The following GLUD1 variants were observed in gnomAD, a reference collection of about 807,000 sequenced individuals.
The protein encoded by GLUD1 is glutamate dehydrogenase 1, mitochondrial.
A neutral mutation model predicts 56.0 loss-of-function variants in GLUD1; 22 were observed. The ratio of observed to expected loss-of-function variants is 0.39; its 90% confidence interval spans 0.28 to 0.56. The LOEUF (loss-of-function observed/expected upper bound fraction) is 0.56, where lower values mean the gene tolerates loss of function less well. Among genes scored for constraint, GLUD1 ranks in the 20% least tolerant of loss-of-function variants. The pLI is 0.58. For missense variants in GLUD1, 451 were observed against 732.0 expected, an observed-to-expected ratio of 0.62 and a Z score of 4.43; for synonymous variants, 223 against 269.9, an observed-to-expected ratio of 0.83 and a Z score of 1.70.
At chr10:87,090,237 A>C (rs186444839) in intron 1 of GLUD1, among the ~76,000 whole-genome samples, 86 of 152,378 alleles carry the variant, frequency 5.6e-4, no homozygotes, top group African/African-American at 2.0e-3. Flanking sequence ...AATTATTAAC[A>C]GCGGTAAACC....
intron 1 of GLUD1, among the ~76,000 whole-genome samples, chr10:87,083,503 A>T (rs1439050429): frequency 6.6e-6 from 1 of 152,210 alleles, no homozygotes; most frequent in Non-Finnish European, 1.5e-5. Flanking sequence ...ATGAAGCAAG[A>T]AGGATCTTAT....
rs1309835654 is a variant in GLUD1 at position 87,050,260 on chromosome 10, AG to A, written c.*1490del. ...ATTCGAGAATAAAGACTATGCTTTC[AG>A]GGATCATTTCTATAGTTCGTTACTC... On this transcript the variant is annotated 3_prime_UTR_variant, in exon 13 of 13. Transcript: ENST00000277865. Among the ~76,000 whole-genome samples the A allele has an allele frequency of 3.9e-5, 6 of 151,974 alleles. No homozygotes were observed. Among genetic ancestry groups the A allele is most frequent in the Non-Finnish European group, 7.4e-5 (5 of 67,998 alleles).
chr10:87,074,651 GAT>G, intron 3 of GLUD1, 37 bp from the exon 4 acceptor site: 1 of 1,215,146 alleles, frequency 8.2e-7, no homozygotes, highest in Non-Finnish European at 1.2e-6. Flanking sequence ...AGAAAAAATT[GAT>G]ATAAAAATCG....
In GLUD1 at chr10:87,061,003, C is replaced by G; in HGVS notation, c.971G>C (p.Gly324Ala). 2 of 1,613,960 alleles carry G rather than the reference C, an allele frequency of 1.2e-6. 1 individual carries two copies. Among genetic ancestry groups the G allele is most frequent in the South Asian group, 2.2e-5 (2 of 91,082 alleles). ...LHSMRYLHRF[G>A]AKCIAVGESD... ...CTCACCAACAGCAATACATTTAGCACCAAAACGATGTAAATATCTCATAGA... is the reference window on the plus strand; with the variant it reads ...CTCACCAACAGCAATACATTTAGCAGCAAAACGATGTAAATATCTCATAGA... The change falls in exon 7 of 13, where the codon GGT (glycine) becomes GCT (alanine). Residue 324 changes from glycine to alanine, a missense_variant. Physicochemically the swap from Gly to Ala is moderately conservative, Grantham distance 60. Around this residue, in one of 4 missense-constraint regions of GLUD1, gnomAD observed 248 missense variants for 460.0 expected, o/e 0.54. Coordinates refer to ENST00000277865, the MANE Select transcript of GLUD1 (RefSeq NM_005271.5).
chr10:87,061,928 C>A (rs548255128), intron 6 of GLUD1, among the ~76,000 whole-genome samples: 1 of 151,936 alleles, frequency 6.6e-6, no homozygotes, highest in African/African-American at 2.4e-5. Flanking sequence ...GGACTACAGG[C>A]GTGTACCACC....
intron 1 of GLUD1, among the ~76,000 whole-genome samples, chr10:87,079,934 C>T (rs1249381307): frequency 6.2e-4 from 80 of 128,934 alleles, no homozygotes; most frequent in Middle Eastern, 3.8e-3. Context: ...CTCCCCCTCT[C>T]CCTCTCCCTC....
chr10:87,094,214 G>A lies in GLUD1; in HGVS notation c.445+111C>T. ...GGTGACCCGGGCGGGGACCCGGCCCGCTCCAGCTGGGCTGGGCTGGGCTGA... is the reference window on the plus strand; with the variant it reads ...GGTGACCCGGGCGGGGACCCGGCCCACTCCAGCTGGGCTGGGCTGGGCTGA... On this transcript the variant is annotated intron_variant, in intron 1 of 12. Transcript: ENST00000277865. The surrounding 1 kb of genome is among the most constrained non-coding windows in gnomAD (Gnocchi z 6.6). 2 of 1,412,060 alleles carry A rather than the reference G, an allele frequency of 1.4e-6. No individual in the cohort carries two copies. Among genetic ancestry groups the A allele is most frequent in the Non-Finnish European group, 1.9e-6 (2 of 1,058,978 alleles). 87.5% of individuals were successfully genotyped at this position (1,412,060 alleles called of 1,614,324 possible). A position where few individuals can be genotyped will look rare whatever the true frequency, so the allele number is the denominator to read the frequency against.
rs906619395 is a variant in GLUD1 at position 87,065,363 on chromosome 10, T to C, written c.742-2528A>G. Reference sequence around the variant, plus strand: ...CTCAGGTGATCCACCTGCTTCCGCCTCCCAAAGTGCTGGGATTACAGGCGT... The same window carrying C: ...CTCAGGTGATCCACCTGCTTCCGCCCCCCAAAGTGCTGGGATTACAGGCGT... On this transcript the variant is annotated intron_variant, in intron 5 of 12. Transcript: ENST00000277865. Among the ~76,000 whole-genome samples the C allele has an allele frequency of 2.7e-5, 4 of 147,836 alleles. No homozygotes were observed. In the South Asian group the frequency reaches 8.9e-4, roughly 33 times the overall value.
chr10:87,052,974 A>AAAAT (rs1175716352), intron 12 of GLUD1, among the ~76,000 whole-genome samples: 4 of 152,174 alleles, frequency 2.6e-5, no homozygotes, highest in Non-Finnish European at 5.9e-5. Context: ...AGTAGGGATC[A>AAAAT]AGCAGTCAAA....
intron 11 of GLUD1, among the ~76,000 whole-genome samples, chr10:87,056,350 C>T (rs559511399): frequency 2.7e-5 from 4 of 146,580 alleles, no homozygotes; most frequent in East Asian, 2.1e-4. Context: ...TGGAGTGCAG[C>T]GGTGCATTTC....
chr10:87,056,800 A>C (rs926000842), intron 11 of GLUD1, among the ~76,000 whole-genome samples: 2 of 152,180 alleles, frequency 1.3e-5, no homozygotes, highest in African/African-American at 4.8e-5. Flanking sequence ...TATGGAGAAC[A>C]TAAGATCCAT....
chr10:87,060,372 G>C (rs1429737019), intron 8 of GLUD1, 131 bp from the exon 9 acceptor site: 1 of 780,528 alleles, frequency 1.3e-6, no homozygotes, highest in African/African-American at 1.7e-5. Flanking sequence ...GTTAAATAGA[G>C]GTTATTTTTC....
intron 1 of GLUD1, among the ~76,000 whole-genome samples, chr10:87,077,817 T>A (rs1846441941): frequency 6.6e-6 from 1 of 151,938 alleles, no homozygotes; most frequent in African/African-American, 2.4e-5. Context: ...AGCTGCAGCA[T>A]TTTTTCTACC....
chr10:87,094,801 C>T lies in GLUD1; in HGVS notation c.-32G>A. 6.7e-7 allele frequency: 1 copy of T among 1,502,486 alleles called. No homozygotes were observed. Among genetic ancestry groups the T allele is most frequent in the Non-Finnish European group, 9.0e-7 (1 of 1,112,742 alleles). The allele number at this position is 1,502,486 out of a possible 1,614,324, so 93.1% of individuals were successfully genotyped here. On this transcript the variant is annotated 5_prime_UTR_variant, in exon 1 of 13. Transcript: ENST00000277865. The surrounding 1 kb of genome is among the most constrained non-coding windows in gnomAD (Gnocchi z 6.6). Reference sequence around the variant, plus strand: ...AAGCGGAGGGGAGGTGCGTGATGGTCGCGAAACAGGCGCGCTTTCTCAGAC... The same window carrying T: ...AAGCGGAGGGGAGGTGCGTGATGGTTGCGAAACAGGCGCGCTTTCTCAGAC...
intron 4 of GLUD1, among the ~76,000 whole-genome samples, chr10:87,070,401 C>T (rs1846199205): frequency 6.6e-6 from 1 of 152,036 alleles, no homozygotes; most frequent in Non-Finnish European, 1.5e-5. Context: ...GAGAGAGAGA[C>T]CATCCTGGCC....
At position 87,074,612 on chromosome 10, in the gene GLUD1, A is replaced by G. The variant is rs756647962; in HGVS notation, c.585T>C (p.Asp195=). Residue 195 remains aspartate, a splice_region_variant and synonymous_variant, in exon 4 of 13, where the codon GAT becomes GAC. Coordinates refer to ENST00000277865, the MANE Select transcript of GLUD1 (RefSeq NM_005271.5). The stretch of plus-strand genomic sequence containing the variant: ...TCCTTGTGATCTTTTCCAATTCATT[A>G]TCCTGTAAAATAAGAAAACAAAAAC... ...GVKINPKNYT[D]NELEKITRRF... The G allele has an allele frequency of 3.8e-5, 59 of 1,558,716 alleles. No homozygotes were observed. In the Admixed American group the frequency reaches 9.7e-4, roughly 26 times the overall value.
At chr10:87,057,424 T>C (rs4370842) in intron 11 of GLUD1, among the ~76,000 whole-genome samples, 333 of 152,326 alleles carry the variant, frequency 2.2e-3, no homozygotes, top group Admixed American at 9.2e-3. Context: ...CTTAAAATAA[T>C]TAAAATACAT....
intron 5 of GLUD1, among the ~76,000 whole-genome samples, chr10:87,067,286 T>C (rs2133809800): frequency 6.6e-6 from 1 of 152,372 alleles, no homozygotes; most frequent in East Asian, 1.9e-4. Context: ...TTGCCCAGGC[T>C]GGAGTGCTGT....
At chr10:87,077,267 T>G (rs1378490862) in intron 1 of GLUD1, among the ~76,000 whole-genome samples, 1 of 152,094 alleles carries the variant, frequency 6.6e-6, no homozygotes, top group Non-Finnish European at 1.5e-5. Context: ...CACCTTGGCT[T>G]CCCAAAGTGC....
Sources: gnomAD v4.1 joint callset for allele counts (sites outside exome capture counted in the v4.1 genomes callset) on GRCh38, gnomAD v4.1.1 for gene constraint, gnomAD v4.1.1 regional missense constraint, Gnocchi (gnomAD v3.1) non-coding constraint, MANE v1.5 for transcripts, NCBI Gene and HGNC (gene_info 2026-07-23, HGNC 2026-07-21) for gene names.